Variants in GMDS observed in about 807,000 individuals in gnomAD.
GMDS encodes GDP-mannose 4,6 dehydratase.
A neutral mutation model predicts 49.9 loss-of-function variants in GMDS; 20 were observed. The ratio of observed to expected loss-of-function variants is 0.40; its 90% CI spans 0.28 to 0.58. GMDS has a LOEUF of 0.58. GMDS is among the 20% of genes least tolerant of loss of function. The pLI is 0.42. For missense variants in GMDS, 362 were observed against 481.4 expected, an observed-to-expected ratio of 0.75 and a Z score of 2.32; for synonymous variants, 177 against 178.6, an observed-to-expected ratio of 0.99 and a Z score of 0.07.
At chr6:1,946,980 T>A (rs1763100330) in intron 6 of GMDS, among the ~76,000 whole-genome samples, 1 of 152,206 alleles carries the variant, frequency 6.6e-6, no homozygotes, top group Admixed American at 6.5e-5. Flanking sequence ...TTCAATGGTG[T>A]CTAGCGAGTT....
rs148711513 is a variant in GMDS at position 1,890,345 on chromosome 6, G to A, written c.771+39758C>T. ...CTAATGGTGCGGCACATCTTTTCACGTGCATGTCCTTTCATGTCGGCTGAA... is the reference window on the plus strand; with the variant it reads ...CTAATGGTGCGGCACATCTTTTCACATGCATGTCCTTTCATGTCGGCTGAA... On this transcript the variant is annotated intron_variant, in intron 7 of 10. Coordinates refer to ENST00000380815, the MANE Select transcript of GMDS (RefSeq NM_001500.4). Among the ~76,000 whole-genome samples, 325 of 152,192 alleles carry A rather than the reference G, an allele frequency of 2.1e-3. 1 individual carries two copies. Among genetic ancestry groups the A allele is most frequent in the African/African-American group, 7.2e-3 (299 of 41,518 alleles).
chr6:1,752,920 C>G (rs561075660), intron 7 of GMDS, among the ~76,000 whole-genome samples: 1 of 152,340 alleles, frequency 6.6e-6, no homozygotes, highest in South Asian at 2.1e-4. Context: ...GTACCATCCA[C>G]TGCAAAAACA....
At chr6:1,941,082 G>A (rs935281502) in intron 6 of GMDS, among the ~76,000 whole-genome samples, 37 of 151,310 alleles carry the variant, frequency 2.4e-4, no homozygotes, top group African/African-American at 9.0e-4. Context: ...AAAAAAAAAT[G>A]TATAGCTTTT....
chr6:1,974,910 C>T (rs550401883), intron 4 of GMDS, among the ~76,000 whole-genome samples: 1 of 150,958 alleles, frequency 6.6e-6, no homozygotes, highest in Non-Finnish European at 1.5e-5. Context: ...CGATGGTGGG[C>T]GCCTGTAATC....
At chr6:2,060,301 G>C (rs528506771) in intron 4 of GMDS, among the ~76,000 whole-genome samples, 1 of 152,128 alleles carries the variant, frequency 6.6e-6, no homozygotes, top group East Asian at 1.9e-4. Context: ...CATGATGCTC[G>C]TTTTTCGTTT....
intron 4 of GMDS, among the ~76,000 whole-genome samples, chr6:2,064,668 A>G (rs1344875809): frequency 6.6e-6 from 1 of 152,074 alleles, no homozygotes; most frequent in East Asian, 1.9e-4. Context: ...GCTGACAGTT[A>G]CACTTCCCGA....
chr6:1,826,413 T>C (rs888261321), intron 7 of GMDS, among the ~76,000 whole-genome samples: 3 of 152,220 alleles, frequency 2.0e-5, no homozygotes, highest in African/African-American at 4.8e-5. Flanking sequence ...AATTTACAAA[T>C]AGACATAAAA....
At chr6:1,709,929 CT>C (rs1765887396) in intron 9 of GMDS, among the ~76,000 whole-genome samples, 1 of 152,144 alleles carries the variant, frequency 6.6e-6, no homozygotes, top group East Asian at 1.9e-4. Flanking sequence ...AGAGTTTTTG[CT>C]TCATGCAGCA....
chr6:1,728,951 AAAAAAAC>A (rs975790677), intron 8 of GMDS, among the ~76,000 whole-genome samples: 5 of 151,802 alleles, frequency 3.3e-5, no homozygotes, highest in South Asian at 4.1e-4. Context: ...ACAGTAAAAA[AAAAAAAC>A]AAAAAACAAA....
intron 6 of GMDS, among the ~76,000 whole-genome samples, chr6:1,935,051 G>A (rs920106876): frequency 1.4e-4 from 22 of 152,164 alleles, no homozygotes; most frequent in Non-Finnish European, 2.5e-4. Context: ...AGCACATGTG[G>A]ATAATGGAAC....
At chr6:1,923,550 C>T (rs1480066350) in intron 7 of GMDS, among the ~76,000 whole-genome samples, 3 of 152,234 alleles carry the variant, frequency 2.0e-5, no homozygotes, top group Non-Finnish European at 2.9e-5. Context: ...CTCCCTCCCA[C>T]AAGGGGTTGA....
At chr6:1,811,530 A>C (rs1770427322) in intron 7 of GMDS, among the ~76,000 whole-genome samples, 1 of 151,652 alleles carries the variant, frequency 6.6e-6, no homozygotes, top group Admixed American at 6.6e-5. Context: ...TTTGTACAAT[A>C]ATTAAAATAT....
intron 7 of GMDS, among the ~76,000 whole-genome samples, chr6:1,807,606 T>A (rs183371581): frequency 1.6e-3 from 238 of 152,350 alleles, no homozygotes; most frequent in African/African-American, 5.5e-3. Flanking sequence ...GTATCTATTA[T>A]TCTAATTTTT....
chr6:1,628,733 G>T (rs1399356858), intron 9 of GMDS, among the ~76,000 whole-genome samples: 1 of 152,190 alleles, frequency 6.6e-6, no homozygotes, highest in African/African-American at 2.4e-5. Context: ...GACTCTTGAT[G>T]CCCTAAATAG....
intron 7 of GMDS, among the ~76,000 whole-genome samples, chr6:1,871,873 T>G (rs1485256892): frequency 6.6e-6 from 1 of 152,230 alleles, no homozygotes; most frequent in Non-Finnish European, 1.5e-5. Context: ...TTCTCTTTTG[T>G]GAATGAGGAC....
intron 7 of GMDS, among the ~76,000 whole-genome samples, chr6:1,752,427 G>T (rs1767771756): frequency 6.6e-6 from 1 of 152,218 alleles, no homozygotes; most frequent in Non-Finnish European, 1.5e-5. Context: ...ACCTGAAAGT[G>T]ATGGGAAGAA....
intron 1 of GMDS, among the ~76,000 whole-genome samples, chr6:2,136,906 C>CAAAAAAAAAAAAAAAAAAAAAA: frequency 7.8e-6 from 1 of 127,964 alleles, no homozygotes; most frequent in Non-Finnish European, 1.7e-5. Context: ...TCATTTCAAA[C>CAAAAAAAAAAAAAAAAAAAAAA]AAAAAAAAAA....
In GMDS at chr6:1,778,554, A is replaced by T. The variant is rs2113602242; in HGVS notation, c.772-35968T>A. ...GATCTAAAATAGGTTAGTTTGTAAA[A>T]CATGCCATAAAACAGAAATTTAGCC... On this transcript the variant is annotated intron_variant, in intron 7 of 10. Transcript: ENST00000380815. The surrounding 1 kb of genome is among the most constrained non-coding windows in gnomAD (Gnocchi z 4.6). Among the ~76,000 whole-genome samples the T allele has an allele frequency of 6.6e-6, 1 of 152,284 alleles. No homozygotes were observed. Among genetic ancestry groups the T allele is most frequent in the Middle Eastern group, 3.4e-3 (1 of 294 alleles).
At chr6:1,907,009 C>A (rs1298735267) in intron 7 of GMDS, among the ~76,000 whole-genome samples, 1 of 152,284 alleles carries the variant, frequency 6.6e-6, no homozygotes. Flanking sequence ...AGGGTGAGAA[C>A]TCAGATGCAC....
Sources: gnomAD v4.1 joint callset for allele counts (sites outside exome capture counted in the v4.1 genomes callset) on GRCh38, gnomAD v4.1.1 for gene constraint, Gnocchi (gnomAD v3.1) non-coding constraint, MANE v1.5 for transcripts, NCBI Gene and HGNC (gene_info 2026-07-23, HGNC 2026-07-21) for gene names.